MIPOL1: variants seen among roughly 807,000 people sequenced by gnomAD.
MIPOL1 encodes the protein mirror-image polydactyly gene 1 protein.
Under a neutral mutation model 60.9 loss-of-function variants are expected in MIPOL1, and 57 were observed. That is an observed-to-expected ratio of 0.94 (90% CI 0.76 to 1.17). The LOEUF is 1.17. MIPOL1 is among the 50% of genes most tolerant of loss of function. MIPOL1 has a pLI of 0.00. For synonymous variants in MIPOL1, 179 were observed against 168.8 expected (o/e 1.06, Z -0.47); for missense variants, 551 against 511.6 (o/e 1.08, Z -0.74).
At chr14:37,358,199 A>G (rs559569354) in intron 9 of MIPOL1, among the ~76,000 whole-genome samples, 9 of 152,242 alleles carry the variant, frequency 5.9e-5, no homozygotes, top group Admixed American at 3.3e-4. Context: ...ATAGTATTCC[A>G]TGGTGTATAT....
At chr14:37,205,885 T>C (rs1427394208) in intron 1 of MIPOL1, among the ~76,000 whole-genome samples, 1 of 152,198 alleles carries the variant, frequency 6.6e-6, no homozygotes, top group Non-Finnish European at 1.5e-5. Context: ...ACATTTGGGT[T>C]GATTCCAAGT....
intron 11 of MIPOL1, among the ~76,000 whole-genome samples, chr14:37,482,740 G>T (rs551005776): frequency 1.3e-5 from 2 of 152,300 alleles, no homozygotes; most frequent in South Asian, 4.1e-4. Flanking sequence ...TGAGATTTGG[G>T]TGGGGACACA....
chr14:37,221,413 C>T (rs753471026), intron 1 of MIPOL1, among the ~76,000 whole-genome samples: 1 of 152,184 alleles, frequency 6.6e-6, no homozygotes, highest in African/African-American at 2.4e-5. Flanking sequence ...AACAGTCCCA[C>T]CTGTTAATAC....
chr14:37,393,966 C>G (rs1285621908), intron 10 of MIPOL1, among the ~76,000 whole-genome samples: 1 of 148,882 alleles, frequency 6.7e-6, no homozygotes, highest in Non-Finnish European at 1.5e-5. Flanking sequence ...CTTTCCATTC[C>G]TGAGTTACTT....
chr14:37,486,321 C>A (rs182666319), intron 11 of MIPOL1, among the ~76,000 whole-genome samples: 211 of 152,190 alleles, frequency 1.4e-3, no homozygotes, highest in Non-Finnish European at 2.6e-3. Flanking sequence ...CAATGCAGAT[C>A]TTTTTTGGTT....
At chr14:37,211,607 A>G (rs77487927) in intron 1 of MIPOL1, among the ~76,000 whole-genome samples, 6,482 of 152,120 alleles carry the variant, frequency 0.043, 272 homozygotes, top group East Asian at 0.24. Flanking sequence ...GCAGCACTCT[A>G]TGTCTCCATA....
intron 12 of MIPOL1, among the ~76,000 whole-genome samples, chr14:37,521,310 T>A (rs2153631054): frequency 6.6e-6 from 1 of 152,300 alleles, no homozygotes; most frequent in African/African-American, 2.4e-5. Context: ...ATTGTGGGTG[T>A]TTTGGCCTTT....
intron 12 of MIPOL1, among the ~76,000 whole-genome samples, chr14:37,519,447 G>A (rs1307888544): frequency 6.6e-6 from 1 of 152,150 alleles, no homozygotes; most frequent in East Asian, 1.9e-4. Context: ...GACTGTCAGT[G>A]TTAGACTAGG....
intron 11 of MIPOL1, among the ~76,000 whole-genome samples, chr14:37,498,912 A>G (rs1242178643): frequency 1.3e-4 from 20 of 152,166 alleles, no homozygotes; most frequent in Admixed American, 1.3e-3. Context: ...TATTAGGACA[A>G]TGCCAAAGTT....
At chr14:37,223,576 C>T (rs1375760213) in intron 1 of MIPOL1, among the ~76,000 whole-genome samples, 3 of 151,670 alleles carry the variant, frequency 2.0e-5, no homozygotes, top group Non-Finnish European at 4.4e-5. Context: ...GATCTCGGCT[C>T]ACTGCAACCT....
intron 10 of MIPOL1, among the ~76,000 whole-genome samples, chr14:37,398,016 A>G (rs572764639): frequency 6.6e-6 from 1 of 152,152 alleles, no homozygotes; most frequent in East Asian, 1.9e-4. Context: ...AAATTGATAC[A>G]AAGTTCAGCT....
intron 1 of MIPOL1, among the ~76,000 whole-genome samples, chr14:37,201,129 T>C (rs1965269965): frequency 1.3e-5 from 2 of 151,954 alleles, no homozygotes; most frequent in South Asian, 4.1e-4. Context: ...GGTTTTAAAC[T>C]CCTGAGCTCA....
intron 1 of MIPOL1, among the ~76,000 whole-genome samples, chr14:37,222,383 TG>T (rs994884322): frequency 6.7e-6 from 1 of 149,518 alleles, no homozygotes. Flanking sequence ...TCAACACACC[TG>T]GCTTTTTTTT....
chr14:37,345,336 C>G (rs1395960060), intron 9 of MIPOL1, among the ~76,000 whole-genome samples: 1 of 152,184 alleles, frequency 6.6e-6, no homozygotes, highest in African/African-American at 2.4e-5. Context: ...GACTCCTGGA[C>G]TTAAGTGATC....
intron 10 of MIPOL1, among the ~76,000 whole-genome samples, chr14:37,374,043 C>A (rs554760862): frequency 6.6e-6 from 1 of 152,264 alleles, no homozygotes; most frequent in African/African-American, 2.4e-5. Context: ...TCTCCACCAT[C>A]TGTTGTTTCT....
intron 10 of MIPOL1, among the ~76,000 whole-genome samples, chr14:37,410,874 T>C (rs1194018556): frequency 1.3e-5 from 2 of 151,896 alleles, no homozygotes; most frequent in Admixed American, 1.3e-4. Context: ...AATAAATGAA[T>C]CAATTCAAAA....
chr14:37,515,541 G>T, intron 12 of MIPOL1, among the ~76,000 whole-genome samples: 1 of 152,102 alleles, frequency 6.6e-6, no homozygotes, highest in Non-Finnish European at 1.5e-5. Flanking sequence ...ATATGTAAAA[G>T]CATATGTTAT....
At chr14:37,464,233 A>C (rs1321415035) in intron 11 of MIPOL1, among the ~76,000 whole-genome samples, 1 of 126,010 alleles carries the variant, frequency 7.9e-6, no homozygotes, top group African/African-American at 3.0e-5. Context: ...ACTACCATTC[A>C]GCACAGCAAT....
At chr14:37,233,444 A>T (rs200003743) in intron 1 of MIPOL1, among the ~76,000 whole-genome samples, 1 of 152,212 alleles carries the variant, frequency 6.6e-6, no homozygotes, top group Non-Finnish European at 1.5e-5. Context: ...TTATTTCTCA[A>T]CATAAGTGTC....
Sources: allele counts gnomAD v4.1 joint callset (sites outside exome capture counted in the v4.1 genomes callset), GRCh38; gene constraint gnomAD v4.1.1; transcripts MANE v1.5; gene names NCBI Gene and HGNC (gene_info 2026-07-23, HGNC 2026-07-21).